USP15: variants seen among roughly 807,000 people sequenced by gnomAD.
USP15 encodes ubiquitin carboxyl-terminal hydrolase 15.
USP15 carries 18 observed loss-of-function variants against 127.1 expected under a neutral mutation model. That is an observed-to-expected ratio of 0.14 (90% CI 0.10 to 0.21). The LOEUF (loss-of-function observed/expected upper bound fraction) is 0.21. Among genes scored for constraint, USP15 ranks in the 10% least tolerant of loss-of-function variants. USP15 has a pLI of 1.00. For missense variants in USP15, 805 were observed against 1,159.9 expected (o/e 0.69, Z 4.44); for synonymous variants, 364 against 393.7 (o/e 0.92, Z 0.89).
chr12:62,354,286 A>T (rs2066053868), intron 7 of USP15, among the ~76,000 whole-genome samples: 1 of 152,002 alleles, frequency 6.6e-6, no homozygotes, highest in African/African-American at 2.4e-5. Flanking sequence ...ACTTTAAAAA[A>T]GTAATACCAG....
intron 4 of USP15, among the ~76,000 whole-genome samples, chr12:62,317,489 T>C (rs2064866020): frequency 6.6e-6 from 1 of 152,190 alleles, no homozygotes; most frequent in Non-Finnish European, 1.5e-5. Flanking sequence ...CTGTGTATGC[T>C]AAAGGAATAT....
chr12:62,369,465 G>T (rs980725640), intron 8 of USP15, among the ~76,000 whole-genome samples: 168 of 148,220 alleles, frequency 1.1e-3, no homozygotes, highest in African/African-American at 3.9e-3. Context: ...ATGCCAACTG[G>T]TTTTTTTTTT....
In USP15 at chr12:62,408,051, A is replaced by G. The variant is rs2067929566; in HGVS notation, c.*3676A>G. Reference sequence around the variant, plus strand: ...AGAAAATCAGTAAGTACCAAAATAGATACAACATAAAGGTGGTGGGGTTTT... The same window carrying G: ...AGAAAATCAGTAAGTACCAAAATAGGTACAACATAAAGGTGGTGGGGTTTT... On this transcript the variant is annotated 3_prime_UTR_variant, in exon 22 of 22. Transcript: ENST00000280377. 6.6e-6 allele frequency: 1 copy of G among 152,192 alleles called. No homozygotes were observed. Among genetic ancestry groups the G allele is most frequent in the Admixed American group, 6.5e-5 (1 of 15,272 alleles). 9.4% of individuals were successfully genotyped at this position (152,192 alleles called of 1,614,324 possible).
At chr12:62,311,235 A>G (rs2064669821) in intron 3 of USP15, among the ~76,000 whole-genome samples, 1 of 151,938 alleles carries the variant, frequency 6.6e-6, no homozygotes, top group Non-Finnish European at 1.5e-5. Context: ...TAAACCTAGT[A>G]AGAACTGTGT....
intron 6 of USP15, among the ~76,000 whole-genome samples, chr12:62,346,528 C>CTT (rs2065823244): frequency 6.6e-6 from 1 of 152,212 alleles, no homozygotes; most frequent in Admixed American, 6.5e-5. Flanking sequence ...ATGGACTATA[C>CTT]TTTGAGAACT....
At chr12:62,385,646 AC>A (rs1295582276) in intron 11 of USP15, among the ~76,000 whole-genome samples, 1 of 151,988 alleles carries the variant, frequency 6.6e-6, no homozygotes, top group Admixed American at 6.6e-5. Context: ...ACCTGCTTTT[AC>A]TTTTGGCCTG....
intron 6 of USP15, among the ~76,000 whole-genome samples, chr12:62,342,971 G>A (rs576831148): frequency 1.3e-5 from 2 of 152,304 alleles, no homozygotes; most frequent in Admixed American, 6.5e-5. Flanking sequence ...GCTCTCTTCA[G>A]AGCCAGCAGC....
chr12:62,301,043 C>G (rs2064302175), intron 2 of USP15, among the ~76,000 whole-genome samples: 1 of 151,898 alleles, frequency 6.6e-6, no homozygotes, highest in South Asian at 2.1e-4. Context: ...AACGTAAAGC[C>G]CAATGGAAAA....
rs67022635 is a variant in USP15 at position 62,399,512 on chromosome 12, G to T, written c.2675-1675G>T. 1.5e-3 allele frequency among the ~76,000 whole-genome samples: 225 copies of T among 152,188 alleles called. 1 individual carries two copies. Among genetic ancestry groups the T allele is most frequent in the Non-Finnish European group, 2.9e-3 (197 of 68,006 alleles). ...AAAAATTGAAGCAAGAAATTTAAAC[G>T]CTTTCTTCTAGATTGTTTTCTCATT... On this transcript the variant is annotated intron_variant, in intron 20 of 21. Transcript: ENST00000280377.
chr12:62,361,251 T>C (rs531967581), intron 8 of USP15, among the ~76,000 whole-genome samples: 2 of 152,176 alleles, frequency 1.3e-5, no homozygotes, highest in Admixed American at 6.5e-5. Context: ...TATGAAAACA[T>C]GCCTTTCTTA....
At chr12:62,305,828 A>G (rs142008457) in intron 3 of USP15, 13 of 152,202 alleles carry the variant, frequency 8.5e-5, no homozygotes, top group Admixed American at 8.5e-4. Context: ...TGTGTGGCCA[A>G]TAGCATATAG....
chr12:62,300,053 A>G (rs532541860), intron 2 of USP15, among the ~76,000 whole-genome samples: 1 of 152,014 alleles, frequency 6.6e-6, no homozygotes, highest in Non-Finnish European at 1.5e-5. Flanking sequence ...AGGATGCTAG[A>G]CCCTTATCAG....
At chr12:62,373,191 T>C (rs1401848535) in intron 8 of USP15, among the ~76,000 whole-genome samples, 1 of 152,062 alleles carries the variant, frequency 6.6e-6, no homozygotes, top group African/African-American at 2.4e-5. Flanking sequence ...AATCATGGCT[T>C]TTTTAACATT....
intron 6 of USP15, 102 bp downstream of exon 6, chr12:62,326,035 A>T: frequency 1.1e-6 from 1 of 951,464 alleles, no homozygotes. Context: ...TGTATTGCAG[A>T]AATTCATGCC....
intron 8 of USP15, among the ~76,000 whole-genome samples, chr12:62,373,063 T>C (rs2066724479): frequency 6.6e-6 from 1 of 152,126 alleles, no homozygotes; most frequent in African/African-American, 2.4e-5. Flanking sequence ...CCTAGTCTTC[T>C]AGCCTTTTTG....
chr12:62,304,536 T>C (rs892144931), intron 3 of USP15: 3 of 262,624 alleles, frequency 1.1e-5, no homozygotes, highest in East Asian at 8.6e-5. Context: ...TTATAGTGTC[T>C]GAAGCCCAAC....
chr12:62,322,645 T>C (rs1460282905), intron 5 of USP15, among the ~76,000 whole-genome samples: 1 of 152,182 alleles, frequency 6.6e-6, no homozygotes, highest in Non-Finnish European at 1.5e-5. Flanking sequence ...TATTAGCAGA[T>C]AACCATAGGA....
chr12:62,275,721 A>G (rs982084835), intron 1 of USP15, among the ~76,000 whole-genome samples: 2 of 152,224 alleles, frequency 1.3e-5, no homozygotes, highest in South Asian at 4.1e-4. Flanking sequence ...TCCACAGCAT[A>G]GGAGCAAAAA....
At chr12:62,293,310 T>C (rs2064030726) in intron 1 of USP15, among the ~76,000 whole-genome samples, 1 of 152,190 alleles carries the variant, frequency 6.6e-6, no homozygotes, top group African/African-American at 2.4e-5. Context: ...TTTTGTGTAC[T>C]AGTATTCTCT....
Sources: gnomAD v4.1 joint callset for allele counts (sites outside exome capture counted in the v4.1 genomes callset) on GRCh38, gnomAD v4.1.1 for gene constraint, MANE v1.5 for transcripts, NCBI Gene and HGNC (gene_info 2026-07-23, HGNC 2026-07-21) for gene names.